Variants in POR observed in about 807,000 individuals in gnomAD.
POR encodes the protein cytochrome p450 oxidoreductase.
POR carries 56 observed loss-of-function variants against 84.0 expected under a neutral mutation model. The observed-to-expected ratio is 0.67, with a 90% CI of 0.54 to 0.83. The LOEUF is 0.83. POR is among the 40% of genes least tolerant of loss of function. POR has a pLI of 0.00. For missense variants in POR, 938 were observed against 944.3 expected (o/e 0.99, Z 0.09); for synonymous variants, 414 against 400.5 (o/e 1.03, Z -0.40).
At chr7:75,960,776 C>A (rs1222627123) in intron 2 of POR, among the ~76,000 whole-genome samples, 2 of 152,140 alleles carry the variant, frequency 1.3e-5, no homozygotes, top group Non-Finnish European at 2.9e-5. Context: ...TACCTTAGTG[C>A]GGGGCCGCCT....
At chr7:75,982,079 G>A in intron 7 of POR, 145 bp from the exon 8 acceptor site, 1 of 666,254 alleles carries the variant, frequency 1.5e-6, no homozygotes. Flanking sequence ...TTGTGCATCT[G>A]CAGCAGGGGC....
At chr7:75,928,170 T>C (rs553640939) in intron 1 of POR, among the ~76,000 whole-genome samples, 29 of 151,542 alleles carry the variant, frequency 1.9e-4, no homozygotes, top group Non-Finnish European at 3.5e-4. Flanking sequence ...AGGGTTTCAC[T>C]ATGTTGGCCA....
intron 1 of POR, among the ~76,000 whole-genome samples, chr7:75,953,596 C>T (rs1390518534): frequency 6.6e-6 from 1 of 152,110 alleles, no homozygotes; most frequent in African/African-American, 2.4e-5. Flanking sequence ...GGGTTTGCTG[C>T]GAAATGGTCC....
chr7:75,922,677 C>A, intron 1 of POR: 1 of 272,888 alleles, frequency 3.7e-6, no homozygotes, highest in South Asian at 4.3e-5. Context: ...TTTGGTAGGA[C>A]TTTAGTTTTC....
intron 2 of POR, among the ~76,000 whole-genome samples, chr7:75,960,334 C>T (rs1346520014): frequency 6.6e-6 from 1 of 151,712 alleles, no homozygotes; most frequent in Non-Finnish European, 1.5e-5. Context: ...AATAATGACT[C>T]TTTCACGTCC....
chr7:75,933,392 TTTTTTTTTTTTTTTG>T (rs1807518166), intron 1 of POR, among the ~76,000 whole-genome samples: 2 of 96,108 alleles, frequency 2.1e-5, no homozygotes, highest in Non-Finnish European at 3.7e-5. Flanking sequence ...TTTTTTTTTT[TTTTTTTTTTTTTTTG>T]AGCGGAGTTT....
chr7:75,939,273 C>T (rs1807845615), intron 1 of POR, among the ~76,000 whole-genome samples: 1 of 152,242 alleles, frequency 6.6e-6, no homozygotes, highest in African/African-American at 2.4e-5. Flanking sequence ...AGACTGTAAG[C>T]TCTGTGGGAT....
intron 11 of POR, 45 bp downstream of exon 11, chr7:75,985,003 GT>G: frequency 1.3e-6 from 2 of 1,578,162 alleles, no homozygotes; most frequent in African/African-American, 1.3e-5. Context: ...TCACCCCGCC[GT>G]TTTCCGAGCT....
At chr7:75,978,524 G>GT (rs1223806244) in intron 3 of POR, among the ~76,000 whole-genome samples, 1 of 152,008 alleles carries the variant, frequency 6.6e-6, no homozygotes, top group African/African-American at 2.4e-5. Context: ...TTGGATTTTT[G>GT]TTTTTTGGGT....
At chr7:75,919,246 T>G (rs903323552) in intron 1 of POR, among the ~76,000 whole-genome samples, 1 of 152,308 alleles carries the variant, frequency 6.6e-6, no homozygotes, top group African/African-American at 2.4e-5. Flanking sequence ...TGGGAAATTT[T>G]TACTGTGTCT....
intron 9 of POR, 34 bp from the exon 10 acceptor site, chr7:75,983,704 T>C (rs1554558508): frequency 1.9e-6 from 3 of 1,607,446 alleles, no homozygotes; most frequent in Non-Finnish European, 2.6e-6. Context: ...AGGGCCAGCC[T>C]TCCGCCCCTC....
At chr7:75,979,837 TG>T in intron 4 of POR, 1 of 458,378 alleles carries the variant, frequency 2.2e-6, no homozygotes, top group Non-Finnish European at 3.9e-6. Flanking sequence ...GCTGCCCTCC[TG>T]GCGGCCGCCA....
At chr7:75,950,135 G>A (rs1479432121) in intron 1 of POR, among the ~76,000 whole-genome samples, 1 of 152,038 alleles carries the variant, frequency 6.6e-6, no homozygotes, top group African/African-American at 2.4e-5. Context: ...CTCCCAAAGT[G>A]CTGGGATTAC....
At chr7:75,982,081 A>C (rs780949226) in intron 7 of POR, 143 bp from the exon 8 acceptor site, 17 of 670,414 alleles carry the variant, frequency 2.5e-5, no homozygotes, top group Non-Finnish European at 4.4e-5. Context: ...GTGCATCTGC[A>C]GCAGGGGCTC....
At chr7:75,941,839 G>T (rs145569325) in intron 1 of POR, among the ~76,000 whole-genome samples, 45 of 152,108 alleles carry the variant, frequency 3.0e-4, no homozygotes, top group Non-Finnish European at 5.3e-4. Flanking sequence ...ATTTTTAAAA[G>T]AAATTCGAGT....
At chr7:75,983,106 C>T (rs879955249) in intron 8 of POR, among the ~76,000 whole-genome samples, 17 of 152,108 alleles carry the variant, frequency 1.1e-4, no homozygotes, top group Admixed American at 9.8e-4. Context: ...TCTGGGAGGC[C>T]GAGGTGGGTG....
intron 1 of POR, among the ~76,000 whole-genome samples, chr7:75,951,064 C>G (rs1585102560): frequency 5.8e-5 from 1 of 17,308 alleles, no homozygotes; most frequent in Non-Finnish European, 1.4e-4. Context: ...GTCCCCCGGC[C>G]CCCCCCCCCC....
intron 2 of POR, 23 bp from the exon 3 acceptor site, chr7:75,972,390 C>T (rs1554556296): frequency 2.5e-6 from 4 of 1,605,414 alleles, no homozygotes; most frequent in South Asian, 1.1e-5. Flanking sequence ...CTCCCACGCT[C>T]ATTGCACACT....
chr7:75,920,709 A>T (rs1554548700), intron 1 of POR, among the ~76,000 whole-genome samples: 3 of 152,072 alleles, frequency 2.0e-5, no homozygotes, highest in African/African-American at 7.2e-5. Flanking sequence ...GCATTGGGTA[A>T]GCCGGGCCTG....
Sources: gnomAD v4.1 joint callset for allele counts (sites outside exome capture counted in the v4.1 genomes callset) on GRCh38, gnomAD v4.1.1 for gene constraint, MANE v1.5 for transcripts, NCBI Gene and HGNC (gene_info 2026-07-23, HGNC 2026-07-21) for gene names.